STAB1: variants seen among roughly 807,000 people sequenced by gnomAD.
STAB1 encodes stabilin-1.
In STAB1, 250 loss-of-function variants were observed where a neutral mutation model predicts 332.4. That is an observed-to-expected ratio of 0.75 (90% CI 0.68 to 0.84). The LOEUF is 0.84. STAB1 is among the 40% of genes least tolerant of loss of function. STAB1 has a pLI of 0.00. For missense variants in STAB1, 3,249 were observed against 3,489.7 expected (o/e 0.93, Z 1.74); for synonymous variants, 1,475 against 1,390.4 (o/e 1.06, Z -1.35).
At chr3:52,500,214 T>TA (rs1275394226) in intron 1 of STAB1, among the ~76,000 whole-genome samples, 1 of 152,232 alleles carries the variant, frequency 6.6e-6, no homozygotes, top group Admixed American at 6.5e-5. Context: ...CATTTGTTTT[T>TA]ACTTCTTTCC....
intron 29 of STAB1, 47 bp downstream of exon 29, chr3:52,513,005 C>G: frequency 6.3e-7 from 1 of 1,591,596 alleles, no homozygotes; most frequent in South Asian, 1.1e-5. Context: ...CTTGAGGGAC[C>G]CAGTCCCTCC....
chr3:52,518,644 G>A, intron 47 of STAB1, 31 bp downstream of exon 47: 1 of 1,611,204 alleles, frequency 6.2e-7, no homozygotes, highest in Non-Finnish European at 8.5e-7. Context: ...GGCTGGGCAG[G>A]GCTGGGTGCT....
In STAB1 at chr3:52,516,736, C is replaced by T. The variant is rs377337830; in HGVS notation, c.4331C>T (p.Ala1444Val). ...SAGASTCACA[A>V]GYSGNGIFCS... The stretch of plus-strand genomic sequence containing the variant: ...GGAGCCTCCACCTGCGCCTGTGCTG[C>T]GGGATACTCCGGCAATGGCATCTTC... Residue 1444 changes from alanine to valine, a missense_variant, in exon 41 of 69, where the codon GCG (alanine) becomes GTG (valine). Ala to Val is a moderately conservative substitution (Grantham distance 64). Transcript: ENST00000321725. 2.5e-6 allele frequency: 4 copies of T among 1,611,190 alleles called. No homozygotes were observed. Among genetic ancestry groups the T allele is most frequent in the East Asian group, 2.2e-5 (1 of 44,826 alleles).
chr3:52,514,690 C>G lies in STAB1; in HGVS notation c.3679-11C>G. The G allele has an allele frequency of 6.2e-7, 1 of 1,613,004 alleles. No individual in the cohort carries two copies. Among genetic ancestry groups the G allele is most frequent in the Non-Finnish European group, 8.5e-7 (1 of 1,179,936 alleles). Reference sequence around the variant, plus strand: ...TAGGTGGGTGGATTCAGCCTCCATCCCTCTCCCCAGCCTGAGGTGAACCAT... The same window carrying G: ...TAGGTGGGTGGATTCAGCCTCCATCGCTCTCCCCAGCCTGAGGTGAACCAT... On this transcript the variant is annotated splice_polypyrimidine_tract_variant and intron_variant, in intron 34 of 68. Transcript: ENST00000321725.
At chr3:52,505,806 G>A (rs1168369974) in intron 15 of STAB1, 25 bp downstream of exon 15, 1 of 1,613,838 alleles carries the variant, frequency 6.2e-7, no homozygotes, top group South Asian at 1.1e-5. Flanking sequence ...AGAAGGGGCT[G>A]CGGGTATGGG....
chr3:52,516,321 C>T (rs771198533), intron 38 of STAB1, 35 bp from the exon 39 acceptor site: 1 of 1,604,982 alleles, frequency 6.2e-7, no homozygotes, highest in Non-Finnish European at 8.5e-7. Flanking sequence ...GATGGAGGCA[C>T]TGGGCAACTC....
intron 40 of STAB1, 37 bp from the exon 41 acceptor site, chr3:52,516,655 C>A (rs1037094978): frequency 4.3e-6 from 7 of 1,612,388 alleles, no homozygotes; most frequent in Non-Finnish European, 5.9e-6. Flanking sequence ...CACGACTGGA[C>A]AGGCATGGGC....
In STAB1 at chr3:52,517,949, C is replaced by T. The variant is rs375629208; in HGVS notation, c.4707C>T (p.Cys1569=). The change falls in exon 45 of 69, where the codon TGC becomes TGT. Residue 1569 remains cysteine, a synonymous_variant. Transcript: ENST00000321725. ...STGDGQRTCT[C]DTAHTVGDGL... The stretch of plus-strand genomic sequence containing the variant: ...GGGATGGCCAGAGGACATGTACCTG[C>T]GACACAGCCCACACCGTGGGGGACG... 2.6e-5 allele frequency: 42 copies of T among 1,609,792 alleles called. No individual in the cohort carries two copies. Among genetic ancestry groups the T allele is most frequent in the East Asian group, 4.5e-5 (2 of 44,884 alleles).
At position 52,504,511 on chromosome 3, in the gene STAB1, G is replaced by T; in HGVS notation, c.1201G>T (p.Val401Leu). The change falls in exon 11 of 69, where the codon GTG (valine) becomes TTG (leucine). Residue 401 changes from valine (V) to leucine (L), a missense_variant. Coordinates refer to ENST00000321725, the MANE Select transcript of STAB1 (RefSeq NM_015136.3). Reference protein sequence around the residue: ...LTTAGPFTVLVPSVSSFSSRT... With the variant: ...LTTAGPFTVLLPSVSSFSSRT... ...CACAGCGGGCCCTTTCACCGTGCTG[G>T]TGCCATCCGTCTCCTCCTTCTCCTC... 6.2e-7 allele frequency: 1 copy of T among 1,614,048 alleles called. No homozygotes were observed. Among genetic ancestry groups the T allele is most frequent in the Admixed American group, 1.7e-5 (1 of 60,024 alleles).
At chr3:52,515,538 C>G (rs1344885427) in intron 37 of STAB1, 32 bp downstream of exon 37, 2 of 1,609,986 alleles carry the variant, frequency 1.2e-6, no homozygotes, top group Non-Finnish European at 1.7e-6. Context: ...CCAAGCCTGT[C>G]CAGAGAGAAG....
At position 52,502,036 on chromosome 3, in the gene STAB1, A is replaced by G. The variant is rs747640397; in HGVS notation, c.362A>G (p.Asn121Ser). The change falls in exon 4 of 69, where the codon AAT (asparagine) becomes AGT (serine). Residue 121 changes from asparagine to serine, a missense_variant. By Grantham distance (46) the Asn-to-Ser change is conservative. Transcript: ENST00000321725. ...CCTGGGGGCGCTGAGACCCCATGCAATGGCCACGGGACCTGCTTGGATGGC... is the reference window on the plus strand; with the variant it reads ...CCTGGGGGCGCTGAGACCCCATGCAGTGGCCACGGGACCTGCTTGGATGGC... ...ECPGGAETPC[N>S]GHGTCLDGMD... 1.9e-6 allele frequency: 3 copies of G among 1,613,052 alleles called. No individual in the cohort carries two copies. Among genetic ancestry groups the G allele is most frequent in the African/African-American group, 2.7e-5 (2 of 74,884 alleles).
chr3:52,510,413 A>C lies in STAB1; in HGVS notation c.2693A>C (p.Asp898Ala). Residue 898 changes from aspartate to alanine, a missense_variant, in exon 25 of 69, where the codon GAT (aspartate) becomes GCT (alanine). By Grantham distance (126) the Asp-to-Ala change is moderately radical. Transcript: ENST00000321725. ...ACATGCCACAAAGGCTGGAGTGGGG[A>C]TGGCCGCGTCTGTGTGGCTATTGAC... The part of the protein sequence containing the change: ...HCTCHKGWSG[D>A]GRVCVAIDEC... The C allele has an allele frequency of 6.2e-7, 1 of 1,613,838 alleles. No homozygotes were observed. The highest frequency in any genetic ancestry group is 8.5e-7 in the Non-Finnish European group (1 of 1,180,006).
intron 1 of STAB1, among the ~76,000 whole-genome samples, chr3:52,496,886 C>A (rs140913113): frequency 1.1e-3 from 175 of 152,320 alleles, no homozygotes; most frequent in Admixed American, 2.9e-3. Flanking sequence ...CCCTGCATAG[C>A]CGAGAGCCAC....
In STAB1 at chr3:52,518,325, A is replaced by C. The variant is rs1263015827; in HGVS notation, c.4775A>C (p.Asp1592Ala). The C allele has an allele frequency of 6.2e-7, 1 of 1,612,824 alleles. No homozygotes were observed. The highest frequency in any genetic ancestry group is 2.2e-5 in the East Asian group (1 of 44,886). Residue 1592 changes from aspartate (D) to alanine (A), a missense_variant, in exon 46 of 69, where the codon GAT becomes GCT. Physicochemically the swap from Asp to Ala is moderately radical, Grantham distance 126. Transcript: ENST00000321725. ...RARVGLELLRDKHASFFSLRL... is the reference protein window; with the variant it reads ...RARVGLELLRAKHASFFSLRL... ...TCGCCCCCCCAGGAGCTCCTGAGGG[A>C]TAAGCATGCCTCATTCTTCAGCCTC...
Position 52,514,467 on chromosome 3 carries a change from T to A in STAB1, c.3649T>A (p.Trp1217Arg). The change falls in exon 34 of 69, where the codon TGG becomes AGG. Residue 1217 changes from tryptophan to arginine, a missense_variant. Trp to Arg is a moderately radical substitution (Grantham distance 101). Coordinates refer to ENST00000321725, the MANE Select transcript of STAB1 (RefSeq NM_015136.3). The part of the protein sequence containing the change: ...HRNSLLGPAH[W>R]IVFYNHSGQP... ...CAACTCCCTCCTGGGCCCTGCCCACTGGATCGTCTTCTACAACCACAGTGG... is the reference window on the plus strand; with the variant it reads ...CAACTCCCTCCTGGGCCCTGCCCACAGGATCGTCTTCTACAACCACAGTGG... 1 of 1,535,384 alleles carries A rather than the reference T, an allele frequency of 6.5e-7. No homozygotes were observed. The highest frequency in any genetic ancestry group is 8.8e-7 in the Non-Finnish European group (1 of 1,142,218).
In STAB1 at chr3:52,503,016, G is replaced by A. The variant is rs1334619177; in HGVS notation, c.601G>A (p.Glu201Lys). ...CTGCGCAGAGCTGCCCGTCTGCCAG[G>A]AGCTGCGCTGTCCCCAGAACACCCA... Reference protein sequence around the residue: ...HCDQELPVCQELRCPQNTQCS... With the variant: ...HCDQELPVCQKLRCPQNTQCS... Residue 201 changes from glutamate (E) to lysine (K), a missense_variant, in exon 7 of 69, where the codon GAG becomes AAG. By Grantham distance (56) the Glu-to-Lys change is moderately conservative (BLOSUM62 1). Coordinates refer to ENST00000321725, the MANE Select transcript of STAB1 (RefSeq NM_015136.3). 6.3e-7 allele frequency: 1 copy of A among 1,592,532 alleles called. No individual in the cohort carries two copies. The highest frequency in any genetic ancestry group is 8.5e-7 in the Non-Finnish European group (1 of 1,170,374).
chr3:52,504,651 T>G (rs1452596525), intron 11 of STAB1, 88 bp from the exon 12 acceptor site: 4 of 1,611,868 alleles, frequency 2.5e-6, no homozygotes, highest in Non-Finnish European at 2.5e-6. Flanking sequence ...GGGCCTGGGA[T>G]GCATCCTGTC....
chr3:52,496,012 A>G (rs1422648123), intron 1 of STAB1, among the ~76,000 whole-genome samples: 1 of 152,224 alleles, frequency 6.6e-6, no homozygotes, highest in African/African-American at 2.4e-5. Flanking sequence ...GCTGCCACAG[A>G]GCAGCCACAG....
chr3:52,496,179 C>T (rs1169874706), intron 1 of STAB1, among the ~76,000 whole-genome samples: 2 of 152,162 alleles, frequency 1.3e-5, no homozygotes, highest in Admixed American at 1.3e-4. Context: ...TGTGTGCTGG[C>T]GAGCAGACAG....
Sources: gnomAD v4.1 joint callset for allele counts (sites outside exome capture counted in the v4.1 genomes callset) on GRCh38, gnomAD v4.1.1 for gene constraint, MANE v1.5 for transcripts, NCBI Gene and HGNC (gene_info 2026-07-23, HGNC 2026-07-21) for gene names.